BEND7: variants seen among roughly 807,000 people sequenced by gnomAD.
The protein encoded by BEND7 is BEN domain-containing protein 7.
A neutral mutation model predicts 50.9 loss-of-function variants in BEND7; 28 were observed. That is an observed-to-expected ratio of 0.55 (90% CI 0.41 to 0.75). The LOEUF is 0.75. Ranked by LOEUF, BEND7 falls within the 30% of genes least tolerant of loss-of-function variation. BEND7 has a pLI of 0.00. For synonymous variants in BEND7, 170 were observed against 183.9 expected, an observed-to-expected ratio of 0.92 and a Z score of 0.61; for missense variants, 477 against 491.3, an observed-to-expected ratio of 0.97 and a Z score of 0.28.
intron 7 of BEND7, among the ~76,000 whole-genome samples, chr10:13,448,482 C>A (rs964915008): frequency 1.3e-5 from 2 of 152,124 alleles, no homozygotes; most frequent in Non-Finnish European, 2.9e-5. Context: ...ACTAGTGCTA[C>A]GTACTTGTTT....
chr10:13,447,536 C>CTTTTTTTTT (rs11346528), intron 7 of BEND7, among the ~76,000 whole-genome samples: 5 of 86,088 alleles, frequency 5.8e-5, no homozygotes, highest in Non-Finnish European at 1.0e-4. Flanking sequence ...CGTATTAAAA[C>CTTTTTTTTT]TTTTTTTTTT....
chr10:13,486,072 T>A (rs2076202488), intron 5 of BEND7, among the ~76,000 whole-genome samples: 1 of 152,192 alleles, frequency 6.6e-6, no homozygotes, highest in African/African-American at 2.4e-5. Context: ...AGAGACACAG[T>A]CTCACTATGT....
chr10:13,442,699 T>C (rs377766075), intron 8 of BEND7: 1 of 152,192 alleles, frequency 6.6e-6, no homozygotes, highest in Non-Finnish European at 1.5e-5. Flanking sequence ...ATGTAGATAA[T>C]TTACTGGTTT....
At chr10:13,460,704 T>C (rs1256097143) in intron 6 of BEND7, among the ~76,000 whole-genome samples, 2 of 152,260 alleles carry the variant, frequency 1.3e-5, no homozygotes, top group Non-Finnish European at 2.9e-5. Context: ...TGAGATGTGA[T>C]CTATTTCAGC....
intron 4 of BEND7, among the ~76,000 whole-genome samples, chr10:13,494,747 C>T (rs1256539786): frequency 6.6e-6 from 1 of 151,630 alleles, no homozygotes; most frequent in Non-Finnish European, 1.5e-5. Context: ...TTTTTCTTCT[C>T]CTTTTGCAAA....
At chr10:13,496,696 A>G in intron 4 of BEND7, 70 bp downstream of exon 4, 2 of 1,529,058 alleles carry the variant, frequency 1.3e-6, no homozygotes, top group Non-Finnish European at 8.9e-7. Flanking sequence ...AGCACAATGA[A>G]CATTCCAACG....
At chr10:13,483,978 G>A (rs975680254) in intron 5 of BEND7, among the ~76,000 whole-genome samples, 1 of 152,194 alleles carries the variant, frequency 6.6e-6, no homozygotes, top group African/African-American at 2.4e-5. Context: ...TTTCTGCAGA[G>A]CTAAGAGACT....
intron 6 of BEND7, among the ~76,000 whole-genome samples, chr10:13,479,234 G>C (rs4748037): frequency 0.56 from 85,007 of 151,734 alleles, 24,168 homozygotes; most frequent in East Asian, 0.75. Context: ...GTCTTGAACT[G>C]CTGACCTGCA....
intron 2 of BEND7, among the ~76,000 whole-genome samples, chr10:13,508,134 C>T (rs1025206417): frequency 2.0e-5 from 3 of 152,170 alleles, no homozygotes; most frequent in Non-Finnish European, 4.4e-5. Context: ...AGACCCTGTG[C>T]TTTGAGGACC....
At position 13,528,643 on chromosome 10, in the gene BEND7, C is replaced by CG. The variant is rs1281516888; in HGVS notation, c.-111dup. On this transcript the variant is annotated 5_prime_UTR_variant, in exon 1 of 9. Coordinates refer to ENST00000466271, the MANE Select transcript of BEND7 (RefSeq NM_001369863.1). Reference sequence around the variant, plus strand: ...GCTCGTGTCACCGCGGCGGAGCCGCCGGGACCAAGGTCCGCGCCTGGAGTC... The same window carrying CG: ...GCTCGTGTCACCGCGGCGGAGCCGCCGGGGACCAAGGTCCGCGCCTGGAGTC... 7.4e-5 allele frequency: 40 copies of CG among 539,474 alleles called. No homozygotes were observed. The highest frequency in any genetic ancestry group is 9.2e-4 in the Middle Eastern group (1 of 1,090). The allele number at this position is 539,474 out of a possible 1,614,324, so 33.4% of individuals were successfully genotyped here. A position where few individuals can be genotyped will look rare whatever the true frequency, so the allele number is the denominator to read the frequency against.
chr10:13,512,526 CAA>C (rs2078351028), intron 2 of BEND7, among the ~76,000 whole-genome samples: 1 of 152,302 alleles, frequency 6.6e-6, no homozygotes, highest in Non-Finnish European at 1.5e-5. Flanking sequence ...TTACTATTTG[CAA>C]AGAGACGCCC....
intron 2 of BEND7, among the ~76,000 whole-genome samples, chr10:13,513,017 G>A (rs2078390609): frequency 1.3e-5 from 2 of 152,172 alleles, no homozygotes; most frequent in African/African-American, 4.8e-5. Context: ...GACCTAGAAC[G>A]CACATACAGA....
intron 6 of BEND7, among the ~76,000 whole-genome samples, chr10:13,458,125 C>T (rs1013631838): frequency 1.3e-5 from 2 of 152,236 alleles, no homozygotes; most frequent in Non-Finnish European, 2.9e-5. Flanking sequence ...GACAAATGCT[C>T]AATCTGATCC....
At chr10:13,497,035 AC>A in intron 3 of BEND7, 147 bp from the exon 4 acceptor site, 2 of 964,300 alleles carry the variant, frequency 2.1e-6, no homozygotes, top group African/African-American at 1.7e-5. Context: ...AGGAAAACGT[AC>A]CCACTAATTA....
At chr10:13,475,741 G>C (rs1052033002) in intron 6 of BEND7, among the ~76,000 whole-genome samples, 2 of 152,164 alleles carry the variant, frequency 1.3e-5, no homozygotes, top group African/African-American at 4.8e-5. Flanking sequence ...ATTAAAAACT[G>C]AAACATCTTT....
chr10:13,505,430 T>C (rs1304136750), intron 2 of BEND7, among the ~76,000 whole-genome samples: 4 of 152,218 alleles, frequency 2.6e-5, no homozygotes, highest in East Asian at 3.9e-4. Flanking sequence ...GATAACGCTC[T>C]GGACCCAATA....
At chr10:13,440,655 C>T (rs527739887), downstream of BEND7, among the ~76,000 whole-genome samples, 64 of 152,356 alleles carry the variant, frequency 4.2e-4, 1 homozygote, top group African/African-American at 1.5e-3. Flanking sequence ...GGAGTGGCGC[C>T]CTCCTGTGTT....
chr10:13,509,457 C>G (rs945199673), intron 2 of BEND7, among the ~76,000 whole-genome samples: 1 of 152,192 alleles, frequency 6.6e-6, no homozygotes, highest in African/African-American at 2.4e-5. Flanking sequence ...GCCTGTGAGT[C>G]AGGCTCTTCA....
chr10:13,527,832 T>A, intron 1 of BEND7: 1 of 983,902 alleles, frequency 1.0e-6, no homozygotes, highest in African/African-American at 1.7e-5. Flanking sequence ...AACCCTAGAG[T>A]GTGGTGTACA....
Sources: gnomAD v4.1 joint callset for allele counts (sites outside exome capture counted in the v4.1 genomes callset) on GRCh38, gnomAD v4.1.1 for gene constraint, MANE v1.5 for transcripts, NCBI Gene and HGNC (gene_info 2026-07-23, HGNC 2026-07-21) for gene names.